The following TBK1 variants were observed in gnomAD, a reference collection of about 807,000 sequenced individuals.
TBK1 encodes TANK binding kinase 1, also known as serine/threonine-protein kinase TBK1.
In TBK1, 37 loss-of-function variants were observed where a neutral mutation model predicts 99.9. The ratio of observed to expected loss-of-function variants is 0.37; its 90% CI spans 0.28 to 0.49. The LOEUF (loss-of-function observed/expected upper bound fraction) is 0.49, where lower values mean the gene tolerates loss of function less well. Ranked by LOEUF, TBK1 falls within the 20% of genes least tolerant of loss-of-function variation. TBK1 has a pLI of 0.98. For missense variants in TBK1, 644 were observed against 872.5 expected (o/e 0.74, Z 3.30); for synonymous variants, 258 against 279.8 (o/e 0.92, Z 0.78).
chr12:64,462,251 C>T (rs2040555600), intron 3 of TBK1, among the ~76,000 whole-genome samples: 1 of 152,188 alleles, frequency 6.6e-6, no homozygotes, highest in Non-Finnish European at 1.5e-5. Flanking sequence ...TAGCCAAGGG[C>T]AAAGCCTGAC....
In TBK1 at chr12:64,467,076, A is replaced by G; in HGVS notation, c.534A>G (p.Glu178=). The G allele has an allele frequency of 6.3e-7, 1 of 1,582,266 alleles. No individual in the cohort carries two copies. The highest frequency in any genetic ancestry group is 1.8e-5 in the Admixed American group (1 of 55,972). The change falls in exon 5 of 21, where the codon GAA becomes GAG. Residue 178 remains glutamate, a synonymous_variant. Coordinates refer to ENST00000331710, the MANE Select transcript of TBK1 (RefSeq NM_013254.4). ...TTGTTTCTCTGTATGGCACAGAAGAATATTTGGTAAGTCATGTATCACTAA... is the reference window on the plus strand; with the variant it reads ...TTGTTTCTCTGTATGGCACAGAAGAGTATTTGGTAAGTCATGTATCACTAA... ...EQFVSLYGTE[E]YLHPDMYERA...
At chr12:64,475,686 G>A (rs1453921006) in intron 6 of TBK1, among the ~76,000 whole-genome samples, 1 of 152,150 alleles carries the variant, frequency 6.6e-6, no homozygotes, top group African/African-American at 2.4e-5. Flanking sequence ...TGCTGCAAAG[G>A]ATATGATTTC....
intron 19 of TBK1, 57 bp downstream of exon 19, chr12:64,497,811 G>C (rs1220063495): frequency 3.1e-5 from 46 of 1,471,762 alleles, no homozygotes; most frequent in Non-Finnish European, 4.2e-5. Context: ...ATTGCAGTTT[G>C]TGCTTTTGCT....
At chr12:64,454,474 C>T (rs1422424596) in intron 1 of TBK1, among the ~76,000 whole-genome samples, 1 of 151,842 alleles carries the variant, frequency 6.6e-6, no homozygotes, top group Non-Finnish European at 1.5e-5. Flanking sequence ...GTCTCGAACT[C>T]CTGACCTTGT....
chr12:64,466,572 T>G (rs2040606642), intron 4 of TBK1, among the ~76,000 whole-genome samples: 1 of 152,116 alleles, frequency 6.6e-6, no homozygotes, highest in African/African-American at 2.4e-5. Context: ...TTTTTATGTT[T>G]AAACAGATCA....
chr12:64,473,496 C>T (rs1281671851), intron 5 of TBK1, among the ~76,000 whole-genome samples: 4 of 152,092 alleles, frequency 2.6e-5, no homozygotes, highest in Admixed American at 6.5e-5. Flanking sequence ...AACATTGCTG[C>T]ATTAAATAAG....
intron 6 of TBK1, among the ~76,000 whole-genome samples, chr12:64,478,113 A>G (rs2040733922): frequency 6.6e-6 from 1 of 152,122 alleles, no homozygotes; most frequent in South Asian, 2.1e-4. Context: ...GTCTTAACAT[A>G]TTTCTCAGAC....
At chr12:64,462,638 CAG>C (rs1362646389) in intron 3 of TBK1, among the ~76,000 whole-genome samples, 2 of 150,936 alleles carry the variant, frequency 1.3e-5, no homozygotes, top group African/African-American at 4.9e-5. Flanking sequence ...AAATGACTGC[CAG>C]AGAGTAATTT....
intron 2 of TBK1, among the ~76,000 whole-genome samples, chr12:64,456,797 G>T (rs1018104148): frequency 2.7e-5 from 4 of 147,254 alleles, no homozygotes; most frequent in Non-Finnish European, 5.9e-5. Flanking sequence ...AGCCAAGATA[G>T]CACCACTGCA....
Position 64,484,284 on chromosome 12 carries a change from T to A in TBK1, c.993-19T>A. 3 of 1,554,486 alleles carry A rather than the reference T, an allele frequency of 1.9e-6. No homozygotes were observed. The highest frequency in any genetic ancestry group is 2.6e-6 in the Non-Finnish European group (3 of 1,139,376). On this transcript the variant is annotated intron_variant, in intron 8 of 20. Coordinates refer to ENST00000331710, the MANE Select transcript of TBK1 (RefSeq NM_013254.4). ...CTTTATCCCCAGTTATAGTGTCCTT[T>A]TGAATTTTTCTCACACAGTGCTACT...
At chr12:64,489,573 GTT>G (rs201362644) in intron 12 of TBK1, among the ~76,000 whole-genome samples, 2 of 139,538 alleles carry the variant, frequency 1.4e-5, no homozygotes, top group Non-Finnish European at 1.6e-5. Context: ...TGTTTTTTTG[GTT>G]TTTTTTTTTT....
chr12:64,477,169 A>G (rs569621306), intron 6 of TBK1, among the ~76,000 whole-genome samples: 12 of 152,336 alleles, frequency 7.9e-5, no homozygotes, highest in Non-Finnish European at 1.6e-4. Context: ...TTTGTTCCAT[A>G]TGAATTTAGA....
intron 4 of TBK1, among the ~76,000 whole-genome samples, chr12:64,465,898 A>G (rs1396879199): frequency 4.6e-5 from 7 of 152,228 alleles, no homozygotes; most frequent in African/African-American, 1.7e-4. Context: ...CTTTAAAAAG[A>G]TGAATGTTAT....
At chr12:64,460,845 A>G (rs1014437020) in intron 3 of TBK1, among the ~76,000 whole-genome samples, 1 of 151,606 alleles carries the variant, frequency 6.6e-6, no homozygotes, top group Non-Finnish European at 1.5e-5. Flanking sequence ...AAAAAAAAAA[A>G]AAAAAAGAAA....
intron 3 of TBK1, among the ~76,000 whole-genome samples, chr12:64,463,509 G>A (rs1486343117): frequency 6.6e-6 from 1 of 151,876 alleles, no homozygotes; most frequent in African/African-American, 2.4e-5. Context: ...GACTAGCCTG[G>A]GCAACATAGT....
At chr12:64,481,267 A>G (rs186486582) in intron 7 of TBK1, among the ~76,000 whole-genome samples, 2 of 152,312 alleles carry the variant, frequency 1.3e-5, no homozygotes, top group Admixed American at 1.3e-4. Flanking sequence ...CTCAGAATCA[A>G]AAAAATCTGA....
At chr12:64,453,031 G>C (rs7316037) in intron 1 of TBK1, 1 of 152,054 alleles carries the variant, frequency 6.6e-6, no homozygotes, top group East Asian at 1.9e-4. Context: ...CGTTTTGGAC[G>C]GTGTAAGGAA....
chr12:64,475,483 C>T (rs1382269188), intron 6 of TBK1, among the ~76,000 whole-genome samples: 2 of 152,092 alleles, frequency 1.3e-5, no homozygotes, highest in African/African-American at 4.8e-5. Context: ...ATCTTTGATG[C>T]ATTAAATAAG....
At chr12:64,453,072 A>G (rs2040445402) in intron 1 of TBK1, among the ~76,000 whole-genome samples, 1 of 152,168 alleles carries the variant, frequency 6.6e-6, no homozygotes. Flanking sequence ...TCAGCAACAT[A>G]GTTGTTGAGT....
Sources: gnomAD v4.1 joint callset for allele counts (sites outside exome capture counted in the v4.1 genomes callset) on GRCh38, gnomAD v4.1.1 for gene constraint, MANE v1.5 for transcripts, NCBI Gene and HGNC (gene_info 2026-07-23, HGNC 2026-07-21) for gene names.